VAMP4: variants seen among roughly 807,000 people sequenced by gnomAD.
VAMP4 encodes vesicle associated membrane protein 4, also known as vesicle-associated membrane protein 4.
A neutral mutation model predicts 23.5 loss-of-function variants in VAMP4; 19 were observed. The observed-to-expected ratio is 0.81, with a 90% confidence interval of 0.56 to 1.19. The LOEUF is 1.19. Ranked by LOEUF, VAMP4 falls within the 50% of genes most tolerant of loss-of-function variation. VAMP4 has a pLI of 0.00. For missense variants in VAMP4, 145 were observed against 168.6 expected (o/e 0.86, Z 0.78); for synonymous variants, 31 against 51.0 (o/e 0.61, Z 1.67).
chr1:171,702,780 A>AAGAGC lies in VAMP4; in HGVS notation c.*1721_*1725dup, dbSNP rs1454528101. On this transcript the variant is annotated 3_prime_UTR_variant, in exon 8 of 8. Coordinates refer to ENST00000236192, the MANE Select transcript of VAMP4 (RefSeq NM_003762.5). ...CTGTTTATATTAATTGACATTTACA[A>AAGAGC]AGAGCATAGAGACCAAAGACAATAT... 2 of 152,022 alleles carry AAGAGC rather than the reference A, an allele frequency of 1.3e-5. No individual in the cohort carries two copies. Among genetic ancestry groups the AAGAGC allele is most frequent in the Non-Finnish European group, 2.9e-5 (2 of 67,876 alleles). The allele number at this position is 152,022 out of a possible 1,614,324, so 9.4% of individuals were successfully genotyped here. A position where few individuals can be genotyped will look rare whatever the true frequency, so the allele number is the denominator to read the frequency against.
chr1:171,715,032 G>C (rs189237979), intron 4 of VAMP4, among the ~76,000 whole-genome samples: 245 of 152,268 alleles, frequency 1.6e-3, no homozygotes, highest in Non-Finnish European at 2.3e-3. Flanking sequence ...AGAGGCAGTG[G>C]ATGGTGAGAA....
At chr1:171,712,865 T>C (rs1465903058) in intron 4 of VAMP4, among the ~76,000 whole-genome samples, 1 of 152,204 alleles carries the variant, frequency 6.6e-6, no homozygotes, top group East Asian at 1.9e-4. Context: ...TCCCAGCCCT[T>C]ATGGAACATA....
At chr1:171,741,561 G>C (rs905311864) in intron 1 of VAMP4, among the ~76,000 whole-genome samples, 8 of 140,660 alleles carry the variant, frequency 5.7e-5, no homozygotes, top group Non-Finnish European at 1.2e-4. Flanking sequence ...TGCTCCTAAC[G>C]CTGGCCCTTC....
chr1:171,734,128 C>T (rs752560128), intron 2 of VAMP4, among the ~76,000 whole-genome samples: 5 of 151,896 alleles, frequency 3.3e-5, no homozygotes, highest in Admixed American at 1.3e-4. Context: ...ATTAGCTGGG[C>T]GTGGTGGTGT....
intron 1 of VAMP4, among the ~76,000 whole-genome samples, chr1:171,738,837 G>A (rs762380684): frequency 2.0e-5 from 3 of 152,190 alleles, no homozygotes; most frequent in Non-Finnish European, 4.4e-5. Context: ...CTCACTTTTA[G>A]TTGGTTGCTT....
chr1:171,711,641 T>C (rs756288456), intron 4 of VAMP4, among the ~76,000 whole-genome samples: 5 of 152,180 alleles, frequency 3.3e-5, no homozygotes, highest in African/African-American at 4.8e-5. Flanking sequence ...TGGACATGTT[T>C]AATTATTTTA....
At position 171,709,571 on chromosome 1, in the gene VAMP4, C is replaced by T. The variant is rs1654777239; in HGVS notation, c.345+94G>A. ...AGGACAGTTATAGGCCCTGTTCTCA[C>T]AGAGGTTATGCTCTAGAGGCCCTTT... On this transcript the variant is annotated intron_variant, in intron 6 of 7. Coordinates refer to ENST00000236192, the MANE Select transcript of VAMP4 (RefSeq NM_003762.5). 7.0e-6 allele frequency: 8 copies of T among 1,135,958 alleles called. No homozygotes were observed. In the South Asian group the frequency reaches 9.0e-5, roughly 13 times the overall value. 70.4% of individuals were successfully genotyped at this position (1,135,958 alleles called of 1,614,324 possible).
chr1:171,710,759 C>A lies in VAMP4; in HGVS notation c.220G>T (p.Val74Leu). The A allele has an allele frequency of 6.2e-7, 1 of 1,610,144 alleles. No homozygotes were observed. Among genetic ancestry groups the A allele is most frequent in the Non-Finnish European group, 8.5e-7 (1 of 1,178,248 alleles). ...TCTAGTCTCTCCCCTCTCTCAATTA[C>A]CTTTGTAATATTTTCTTGCATGACA... ...IDVMQENITKVIERGERLDEL... is the reference protein window; with the variant it reads ...IDVMQENITKLIERGERLDEL... Residue 74 changes from valine to leucine, a missense_variant, in exon 5 of 8, where the codon GTA (valine) becomes TTA (leucine). Val to Leu is a conservative substitution (Grantham distance 32). Transcript: ENST00000236192.
At chr1:171,725,208 C>T (rs932440536) in intron 3 of VAMP4, among the ~76,000 whole-genome samples, 6 of 152,140 alleles carry the variant, frequency 3.9e-5, no homozygotes, top group Non-Finnish European at 8.8e-5. Context: ...GCTTCTTTTA[C>T]TTATCATAAA....
At chr1:171,730,891 A>G (rs953099750) in intron 2 of VAMP4, among the ~76,000 whole-genome samples, 1 of 152,174 alleles carries the variant, frequency 6.6e-6, no homozygotes, top group African/African-American at 2.4e-5. Context: ...GACATATACT[A>G]AAGAGTAAAA....
chr1:171,727,494 G>T (rs1394855772), intron 3 of VAMP4, among the ~76,000 whole-genome samples: 1 of 152,212 alleles, frequency 6.6e-6, no homozygotes, highest in African/African-American at 2.4e-5. Flanking sequence ...AGGATATGGA[G>T]CAACTGGAAT....
intron 3 of VAMP4, among the ~76,000 whole-genome samples, chr1:171,727,341 C>T (rs760279085): frequency 7.4e-5 from 11 of 148,506 alleles, no homozygotes; most frequent in Non-Finnish European, 1.0e-4. Context: ...GGTAAGAGGA[C>T]GAAAAATAAG....
intron 7 of VAMP4, 78 bp downstream of exon 7, chr1:171,706,289 A>C: frequency 7.3e-7 from 1 of 1,376,932 alleles, no homozygotes. Flanking sequence ...ATACTAGGTC[A>C]ACTGAAAATA....
In VAMP4 at chr1:171,703,425, G is replaced by GCATATATATATATATA. The variant is rs1654528114; in HGVS notation, c.*1080_*1081insTATATATATATATATG. ...TGTGTGTGTGTGTGTGTGTTTGTGTGTATATATATATATATATATATATAT... is the reference window on the plus strand; with the variant it reads ...TGTGTGTGTGTGTGTGTGTTTGTGTGCATATATATATATATATATATATATATATATATATATATAT... On this transcript the variant is annotated 3_prime_UTR_variant, in exon 8 of 8. Transcript: ENST00000236192. 1 of 80,674 alleles carries GCATATATATATATATA rather than the reference G, an allele frequency of 1.2e-5. No homozygotes were observed. Among genetic ancestry groups the GCATATATATATATATA allele is most frequent in the African/African-American group, 4.8e-5 (1 of 20,922 alleles). 5.0% of individuals were successfully genotyped at this position (80,674 alleles called of 1,614,324 possible).
chr1:171,728,417 A>C, intron 3 of VAMP4, 107 bp downstream of exon 3: 1 of 912,438 alleles, frequency 1.1e-6, no homozygotes, highest in South Asian at 2.2e-5. Context: ...TCTCTCACGT[A>C]TAAGGGAGAC....
At chr1:171,704,827 T>C (rs572047950) in intron 7 of VAMP4, among the ~76,000 whole-genome samples, 2 of 152,142 alleles carry the variant, frequency 1.3e-5, no homozygotes, top group African/African-American at 4.8e-5. Context: ...AGTCACAATA[T>C]ATTTATTAGA....
At chr1:171,725,349 T>C (rs1170340419) in intron 3 of VAMP4, among the ~76,000 whole-genome samples, 1 of 152,168 alleles carries the variant, frequency 6.6e-6, no homozygotes, top group Non-Finnish European at 1.5e-5. Context: ...TAATTCTAGC[T>C]ACTCTGGTAG....
chr1:171,706,437 C>T lies in VAMP4; in HGVS notation c.346-19G>A, dbSNP rs1387902421. The T allele has an allele frequency of 6.3e-7, 1 of 1,597,090 alleles. No individual in the cohort carries two copies. Among genetic ancestry groups the T allele is most frequent in the African/African-American group, 1.3e-5 (1 of 74,202 alleles). On this transcript the variant is annotated intron_variant, in intron 6 of 7. Transcript: ENST00000236192. ...CTTTTATCTACAACACACAAAAGGG[C>T]ATATATATTAATATTTGACTTGTTA... is the stretch of plus-strand genomic sequence containing the variant.
At chr1:171,714,870 A>G (rs927614063) in intron 4 of VAMP4, among the ~76,000 whole-genome samples, 1 of 152,212 alleles carries the variant, frequency 6.6e-6, no homozygotes, top group Non-Finnish European at 1.5e-5. Context: ...GGGAAAACTG[A>G]TATCCATATA....
Sources: allele counts gnomAD v4.1 joint callset (sites outside exome capture counted in the v4.1 genomes callset), GRCh38; gene constraint gnomAD v4.1.1; transcripts MANE v1.5; gene names NCBI Gene and HGNC (gene_info 2026-07-23, HGNC 2026-07-21).